The following PCDH15 variants were observed in gnomAD, a reference collection of about 807,000 sequenced individuals.
The protein encoded by PCDH15 is protocadherin-15.
PCDH15 carries 129 observed loss-of-function variants against 178.5 expected under a neutral mutation model. The observed-to-expected ratio is 0.72, with a 90% confidence interval of 0.63 to 0.84. PCDH15 has a LOEUF of 0.84. PCDH15 is among the 40% of genes least tolerant of loss of function. The probability of loss-of-function intolerance (pLI) is 0.00; values close to 1 mark genes in which losing one functional copy is unlikely to be tolerated. For missense variants in PCDH15, 2,230 were observed against 2,099.9 expected, an observed-to-expected ratio of 1.06 and a Z score of -1.21; for synonymous variants, 800 against 732.0, an observed-to-expected ratio of 1.09 and a Z score of -1.50.
intron 18 of PCDH15, among the ~76,000 whole-genome samples, chr10:54,046,385 C>G (rs1210197184): frequency 6.6e-6 from 1 of 152,180 alleles, no homozygotes; most frequent in Admixed American, 6.5e-5. Flanking sequence ...AACTGGAGAG[C>G]TCTCAAACAC....
chr10:54,576,243 C>A (rs2090470423), intron 2 of PCDH15, among the ~76,000 whole-genome samples: 1 of 152,150 alleles, frequency 6.6e-6, no homozygotes, highest in Non-Finnish European at 1.5e-5. Flanking sequence ...GCAATGATCC[C>A]TTTTGTACAG....
intron 2 of PCDH15, among the ~76,000 whole-genome samples, chr10:55,137,538 T>TG (rs1491075223): frequency 1.3e-3 from 1 of 794 alleles, no homozygotes; most frequent in East Asian, 3.7e-3. Context: ...AGATTCGGGT[T>TG]TTTTTTTTTT....
rs576673032 is a variant in PCDH15, at chr10:55,025,687, C to T, written c.-79-128187G>A. ...TATCAAAGACTATACTCTTAGAATG[C>T]AATAACAGATTTTATAACTTATTTA... On this transcript the variant is annotated intron_variant, in intron 2 of 5. Coordinates refer to the PCDH15 transcript ENST00000458638. 2.6e-5 allele frequency among the ~76,000 whole-genome samples: 4 copies of T among 151,924 alleles called. No individual in the cohort carries two copies. In the South Asian group the frequency reaches 8.3e-4, roughly 32 times the overall value.
At chr10:54,427,511 C>T (rs1485033104) in intron 3 of PCDH15, among the ~76,000 whole-genome samples, 1 of 151,912 alleles carries the variant, frequency 6.6e-6, no homozygotes, top group Non-Finnish European at 1.5e-5. Flanking sequence ...CTCCTGACCT[C>T]AGGTGATCCG....
At chr10:54,112,009 G>A (rs1251485140) in intron 15 of PCDH15, among the ~76,000 whole-genome samples, 1 of 151,362 alleles carries the variant, frequency 6.6e-6, no homozygotes, top group African/African-American at 2.4e-5. Flanking sequence ...TTAGCGTGGT[G>A]GTGGGCGCCT....
chr10:54,098,516 C>T (rs1227510601), intron 15 of PCDH15, among the ~76,000 whole-genome samples: 1 of 152,026 alleles, frequency 6.6e-6, no homozygotes, highest in African/African-American at 2.4e-5. Flanking sequence ...ATGAATTTAG[C>T]CCAATTATTC....
At chr10:54,958,933 A>G (rs540260747) in intron 2 of PCDH15, among the ~76,000 whole-genome samples, 1 of 152,082 alleles carries the variant, frequency 6.6e-6, no homozygotes, top group Non-Finnish European at 1.5e-5. Context: ...TGCTGAGCTT[A>G]GGAAAAAGTT....
At chr10:54,763,043 C>T (rs1220730753) in intron 1 of PCDH15, among the ~76,000 whole-genome samples, 7 of 152,106 alleles carry the variant, frequency 4.6e-5, no homozygotes, top group Admixed American at 6.5e-5. Context: ...AGATATTCAG[C>T]TAAGGTATAC....
intron 2 of PCDH15, among the ~76,000 whole-genome samples, chr10:55,622,945 C>G (rs1837437616): frequency 6.6e-6 from 1 of 152,114 alleles, no homozygotes; most frequent in African/African-American, 2.4e-5. Flanking sequence ...AAATGGCATA[C>G]CAAGAAATGG....
intron 5 of PCDH15, among the ~76,000 whole-genome samples, chr10:54,356,547 A>G (rs1292256761): frequency 1.3e-5 from 2 of 151,720 alleles, no homozygotes; most frequent in African/African-American, 2.4e-5. Context: ...AATGTATGAC[A>G]TACTTATATA....
chr10:53,943,215 G>A (rs548095457), intron 23 of PCDH15, among the ~76,000 whole-genome samples: 19 of 152,058 alleles, frequency 1.2e-4, no homozygotes, highest in Middle Eastern at 3.4e-3. Flanking sequence ...CGGGCCGGGC[G>A]CGGTGGCTCA....
chr10:54,950,780 G>T (rs1344045584), intron 2 of PCDH15, among the ~76,000 whole-genome samples: 1 of 151,856 alleles, frequency 6.6e-6, no homozygotes, highest in East Asian at 1.9e-4. Context: ...CAATACATGG[G>T]GATTATGGGG....
intron 2 of PCDH15, among the ~76,000 whole-genome samples, chr10:55,359,252 A>G (rs142675410): frequency 3.1e-4 from 47 of 152,084 alleles, no homozygotes; most frequent in African/African-American, 9.6e-4. Flanking sequence ...GTATACTAAA[A>G]TCCCCTTGTG....
chr10:54,748,080 C>T (rs1285363406), intron 1 of PCDH15, among the ~76,000 whole-genome samples: 1 of 152,064 alleles, frequency 6.6e-6, no homozygotes, highest in Non-Finnish European at 1.5e-5. Flanking sequence ...GCTGGAATTA[C>T]AAGGCGTGAG....
In PCDH15 at chr10:54,287,620, G is replaced by T. The variant is rs147681444; in HGVS notation, c.876+29651C>A. ...AAATTTATTTTTGCCTATTTTTTTC[G>T]TTCTAAGGCTCTTTATGACAGGACT... On this transcript the variant is annotated intron_variant, in intron 8 of 37. Transcript: ENST00000644397. 4.2e-3 allele frequency among the ~76,000 whole-genome samples: 630 copies of T among 151,576 alleles called. 8 individuals are homozygous for T. The highest frequency in any genetic ancestry group is 0.012 in the African/African-American group (516 of 41,364).
chr10:55,133,553 A>C (rs1279878160), intron 2 of PCDH15, among the ~76,000 whole-genome samples: 6 of 152,074 alleles, frequency 3.9e-5, no homozygotes, highest in Admixed American at 2.0e-4. Flanking sequence ...CCTCTATTGT[A>C]CATCTCTAGC....
chr10:55,305,682 C>A (rs562233714), intron 1 of PCDH15, among the ~76,000 whole-genome samples: 5 of 152,132 alleles, frequency 3.3e-5, no homozygotes, highest in Non-Finnish European at 7.3e-5. Context: ...CAATTCTTTC[C>A]CTTGCTGTCC....
intron 2 of PCDH15, among the ~76,000 whole-genome samples, chr10:54,585,373 C>T (rs4457656): frequency 2.0e-5 from 3 of 151,868 alleles, no homozygotes; most frequent in South Asian, 2.1e-4. Context: ...TTTAAAACTT[C>T]GGCTTTATTA....
intron 2 of PCDH15, among the ~76,000 whole-genome samples, chr10:55,334,397 T>C (rs1844320431): frequency 6.7e-6 from 1 of 149,756 alleles, no homozygotes; most frequent in South Asian, 2.1e-4. Flanking sequence ...AACCTCTGTC[T>C]CCCGGGTTCA....
Sources: allele counts gnomAD v4.1 joint callset (sites outside exome capture counted in the v4.1 genomes callset), GRCh38; gene constraint gnomAD v4.1.1; transcripts MANE v1.5; gene names NCBI Gene and HGNC (gene_info 2026-07-23, HGNC 2026-07-21).